Variants in ITGAM observed in about 807,000 individuals in gnomAD.
ITGAM encodes integrin subunit alpha M.
A neutral mutation model predicts 137.5 loss-of-function variants in ITGAM; 79 were observed. The observed-to-expected ratio is 0.57, with a 90% CI of 0.48 to 0.69. The LOEUF (loss-of-function observed/expected upper bound fraction) is 0.69. Among genes scored for constraint, ITGAM ranks in the 30% least tolerant of loss-of-function variants. ITGAM has a pLI of 0.00. For synonymous variants in ITGAM, 583 were observed against 592.3 expected, an observed-to-expected ratio of 0.98 and a Z score of 0.23; for missense variants, 1,343 against 1,483.5, an observed-to-expected ratio of 0.91 and a Z score of 1.56.
intron 14 of ITGAM, among the ~76,000 whole-genome samples, chr16:31,300,255 A>C (rs1419016459): frequency 6.6e-6 from 1 of 152,234 alleles, no homozygotes; most frequent in Non-Finnish European, 1.5e-5. Context: ...GCACGTTCAT[A>C]TCTCTTTAAG....
chr16:31,316,340 T>C (rs1255113739), intron 14 of ITGAM, among the ~76,000 whole-genome samples: 1 of 149,164 alleles, frequency 6.7e-6, no homozygotes, highest in African/African-American at 2.5e-5. Flanking sequence ...TGAGCCTACA[T>C]CATGCCACTG....
Position 31,307,135 on chromosome 16 carries a change from T to G in ITGAM, c.1707+9181T>G, listed in dbSNP as rs546888487. Among the ~76,000 whole-genome samples, 98 of 152,296 alleles carry G rather than the reference T, an allele frequency of 6.4e-4. 1 individual carries two copies. The highest frequency in any genetic ancestry group is 2.3e-3 in the African/African-American group (95 of 41,578). ...GGATTGACTTGGCAATGCGGGCTCT[T>G]TTTTGGTTCCATATGAACTTTAAAG... On this transcript the variant is annotated intron_variant, in intron 14 of 29. Transcript: ENST00000544665.
Position 31,331,323 on chromosome 16 carries a change from C to A in ITGAM, c.3387+48C>A, listed in dbSNP as rs367614177. ...CCCCTCCCTTCATCCTCTCGGGCCT[C>A]GCGCTGCAGCTCCGTGCCTCGGTTT... On this transcript the variant is annotated intron_variant, in intron 29 of 29. Transcript: ENST00000544665. The A allele has an allele frequency of 1.7e-4, 181 of 1,057,864 alleles. 1 individual carries two copies. The East Asian group carries it at 4.2e-3, about 25-fold the overall frequency. 65.5% of individuals were successfully genotyped at this position (1,057,864 alleles called of 1,614,324 possible).
At chr16:31,311,577 A>G (rs1465794000) in intron 14 of ITGAM, among the ~76,000 whole-genome samples, 1 of 152,214 alleles carries the variant, frequency 6.6e-6, no homozygotes, top group African/African-American at 2.4e-5. Flanking sequence ...AATCAAAACC[A>G]CAATGAGATA....
At position 31,292,384 on chromosome 16, in the gene ITGAM, A is replaced by G. The variant is rs569368269; in HGVS notation, c.1357-5130A>G. Among the ~76,000 whole-genome samples the G allele has an allele frequency of 4.0e-4, 61 of 152,110 alleles. No individual in the cohort carries two copies. The South Asian group carries it at 5.4e-3, about 13-fold the overall frequency. ...ACCCAGGTATTAAGCCTAGTATCCA[A>G]TGGTTATTTTTTCTGCTCCTGCCTC... On this transcript the variant is annotated intron_variant, in intron 12 of 29. Coordinates refer to ENST00000544665, the MANE Select transcript of ITGAM (RefSeq NM_000632.4).
At chr16:31,277,680 A>G (rs935262435) in intron 11 of ITGAM, among the ~76,000 whole-genome samples, 13 of 151,786 alleles carry the variant, frequency 8.6e-5, no homozygotes, top group African/African-American at 3.1e-4. Flanking sequence ...TTCAGTAGAG[A>G]CCGGGTTTCA....
At chr16:31,307,195 T>C (rs1336137395) in intron 14 of ITGAM, among the ~76,000 whole-genome samples, 1 of 152,168 alleles carries the variant, frequency 6.6e-6, no homozygotes, top group African/African-American at 2.4e-5. Flanking sequence ...AAGTCATTGG[T>C]AGCTTGATGG....
chr16:31,261,199 T>C, intron 1 of ITGAM, among the ~76,000 whole-genome samples: 1 of 112,216 alleles, frequency 8.9e-6, no homozygotes, highest in Admixed American at 8.1e-5. Flanking sequence ...TGCTGCTATC[T>C]TTTTTTTTTT....
chr16:31,264,580 G>A (rs577043354), intron 2 of ITGAM, among the ~76,000 whole-genome samples: 104 of 152,196 alleles, frequency 6.8e-4, no homozygotes, highest in Non-Finnish European at 1.3e-3. Context: ...GGAGGCAGAG[G>A]TTGCAGTGAG....
chr16:31,277,319 A>C (rs2144311909), intron 11 of ITGAM, among the ~76,000 whole-genome samples: 1 of 150,778 alleles, frequency 6.6e-6, no homozygotes, highest in Middle Eastern at 3.5e-3. Flanking sequence ...CAGTCTCCTG[A>C]GTAGCTGGTA....
intron 14 of ITGAM, among the ~76,000 whole-genome samples, chr16:31,302,434 T>TCTTC (rs2080210529): frequency 9.4e-6 from 1 of 105,958 alleles, no homozygotes; most frequent in Non-Finnish European, 1.7e-5. Flanking sequence ...CTTTCTTCTT[T>TCTTC]CTTTCTTTCT....
At chr16:31,267,030 G>T (rs1477493703) in intron 5 of ITGAM, among the ~76,000 whole-genome samples, 1 of 151,960 alleles carries the variant, frequency 6.6e-6, no homozygotes, top group East Asian at 1.9e-4. Context: ...ACCACACCCG[G>T]CTAATTTTTG....
rs1223162369 is a variant in ITGAM, at chr16:31,265,814, C to T, written c.242C>T (p.Pro81Leu). 1.2e-6 allele frequency: 2 copies of T among 1,613,920 alleles called. No homozygotes were observed. Among genetic ancestry groups the T allele is most frequent in the South Asian group, 2.2e-5 (2 of 91,056 alleles). Residue 81 changes from proline to leucine, a missense_variant, in exon 4 of 30, where the codon CCC (proline) becomes CTC (leucine). Physicochemically the swap from Pro to Leu is moderately conservative, Grantham distance 98 (BLOSUM62 -3). Coordinates refer to ENST00000544665, the MANE Select transcript of ITGAM (RefSeq NM_000632.4). ...GSCEPIRLQV[P>L]VEAVNMSLGL... ...ATGCCCATATCTGTCCCCGCAGTCC[C>T]CGTGGAGGCCGTGAACATGTCCCTG... is the stretch of plus-strand genomic sequence containing the variant.
chr16:31,331,598 G>GGCT, intron 29 of ITGAM, 38 bp from the exon 30 acceptor site: 1 of 1,374,686 alleles, frequency 7.3e-7, no homozygotes, highest in Non-Finnish European at 9.7e-7. Context: ...CACGCTCCCT[G>GGCT]GCTGCTGTCG....
At chr16:31,284,139 C>A (rs1337170609) in intron 12 of ITGAM, among the ~76,000 whole-genome samples, 1 of 152,220 alleles carries the variant, frequency 6.6e-6, no homozygotes, top group Non-Finnish European at 1.5e-5. Context: ...TCGGCTCCTA[C>A]TGGGAGGTGC....
At chr16:31,273,259 G>T in intron 7 of ITGAM, 106 bp from the exon 8 acceptor site, 1 of 972,500 alleles carries the variant, frequency 1.0e-6, no homozygotes, top group South Asian at 1.7e-5. Context: ...TTGTGTCTCT[G>T]CACTCCAGCC....
intron 28 of ITGAM, 49 bp from the exon 29 acceptor site, chr16:31,331,116 C>A: frequency 4.1e-6 from 4 of 979,448 alleles, no homozygotes; most frequent in Non-Finnish European, 6.5e-6. Flanking sequence ...ATGGGGAACC[C>A]CCAGAAATCC....
At chr16:31,298,069 C>G in intron 14 of ITGAM, 115 bp downstream of exon 14, 4 of 867,686 alleles carry the variant, frequency 4.6e-6, no homozygotes, top group Non-Finnish European at 7.4e-6. Flanking sequence ...TCAGAACCTT[C>G]AAAAATAATA....
At chr16:31,265,931 C>T in intron 4 of ITGAM, 50 bp downstream of exon 4, 2 of 1,600,982 alleles carry the variant, frequency 1.2e-6, no homozygotes, top group Non-Finnish European at 1.7e-6. Context: ...GTTTGGGGGC[C>T]CACGCATGGT....
Sources: allele counts gnomAD v4.1 joint callset (sites outside exome capture counted in the v4.1 genomes callset), GRCh38; gene constraint gnomAD v4.1.1; transcripts MANE v1.5; gene names NCBI Gene and HGNC (gene_info 2026-07-23, HGNC 2026-07-21).